Variants in CFAP251 observed in about 807,000 individuals in gnomAD.
The protein encoded by CFAP251 is cilia and flagella associated protein 251, also known as cilia- and flagella-associated protein 251.
Under a neutral mutation model 126.7 loss-of-function variants are expected in CFAP251, and 93 were observed. That is an observed-to-expected ratio of 0.73 (90% confidence interval 0.62 to 0.87). CFAP251 has a LOEUF of 0.87. Among genes scored for constraint, CFAP251 ranks in the 40% least tolerant of loss-of-function variants. The probability of loss-of-function intolerance (pLI) is 0.00; values close to 1 mark genes in which losing one functional copy is unlikely to be tolerated. For missense variants in CFAP251, 1,287 were observed against 1,389.2 expected, an observed-to-expected ratio of 0.93 and a Z score of 1.17; for synonymous variants, 503 against 506.9, an observed-to-expected ratio of 0.99 and a Z score of 0.10.
chr12:121,942,902 G>A lies in CFAP251; in HGVS notation c.1118G>A (p.Cys373Tyr), dbSNP rs1367592215. 1.2e-6 allele frequency: 2 copies of A among 1,614,192 alleles called. No homozygotes were observed. The highest frequency in any genetic ancestry group is 1.7e-6 in the Non-Finnish European group (2 of 1,180,030). Residue 373 changes from cysteine to tyrosine, a missense_variant, in exon 7 of 22, where the codon TGC (cysteine) becomes TAC (tyrosine). Transcript: ENST00000288912. ...TISDAEVQKV[C>Y]IWKWTLAVET... ...CTCTACTGTCACCTACAGAAGGTAT[G>A]CATCTGGAAGTGGACTTTGGCAGTG...
rs897435206 is a variant in CFAP251 at position 121,999,951 on chromosome 12, A to G, written c.3235+7A>G. 1.7e-5 allele frequency: 27 copies of G among 1,604,416 alleles called. No homozygotes were observed. Among genetic ancestry groups the G allele is most frequent in the Non-Finnish European group, 2.2e-5 (26 of 1,171,786 alleles). On this transcript the variant is annotated splice_region_variant and intron_variant, in intron 20 of 21. Transcript: ENST00000288912. ...AGACTGCTCGTTACTAAAGGTAAGCACATACATCAGGATGTCTGGTAACAT... is the reference window on the plus strand; with the variant it reads ...AGACTGCTCGTTACTAAAGGTAAGCGCATACATCAGGATGTCTGGTAACAT...
intron 15 of CFAP251, among the ~76,000 whole-genome samples, chr12:121,964,001 C>T (rs1010347282): frequency 6.6e-6 from 1 of 152,034 alleles, no homozygotes; most frequent in Admixed American, 6.6e-5. Context: ...TGATCCACCA[C>T]GACCACCACC....
At chr12:121,972,006 G>A (rs528551225) in intron 17 of CFAP251, 19 of 234,446 alleles carry the variant, frequency 8.1e-5, no homozygotes, top group Admixed American at 2.6e-4. Flanking sequence ...TTCACCTTCC[G>A]CCATGATTGT....
chr12:121,940,785 G>A (rs1881079871), intron 5 of CFAP251, among the ~76,000 whole-genome samples: 1 of 152,106 alleles, frequency 6.6e-6, no homozygotes. Flanking sequence ...GTATGGAAAT[G>A]TAAGAGCAAA....
intron 7 of CFAP251, among the ~76,000 whole-genome samples, chr12:121,945,332 CTTTT>C (rs1565908192): frequency 2.3e-5 from 2 of 87,684 alleles, no homozygotes; most frequent in Non-Finnish European, 8.2e-5. Flanking sequence ...GTTTTGTTTT[CTTTT>C]CTTTTCTTTT....
In CFAP251 at chr12:121,990,024, T is replaced by A. The variant is rs1020709916; in HGVS notation, c.3007-9692T>A. ...GCCCACCACCAAGAGGCCACCCTCA[T>A]GTCTTGGGGCCTGGAGCAGTCGGGG... is the stretch of plus-strand genomic sequence containing the variant. On this transcript the variant is annotated intron_variant, in intron 19 of 21. Coordinates refer to ENST00000288912, the MANE Select transcript of CFAP251 (RefSeq NM_144668.6). 2.6e-5 allele frequency among the ~76,000 whole-genome samples: 4 copies of A among 152,020 alleles called. No individual in the cohort carries two copies. In the East Asian group the frequency reaches 7.7e-4, roughly 29 times the overall value.
At chr12:121,990,268 C>A (rs1448578693) in intron 19 of CFAP251, among the ~76,000 whole-genome samples, 6 of 152,188 alleles carry the variant, frequency 3.9e-5, no homozygotes, top group Admixed American at 3.3e-4. Context: ...GCATGGCATT[C>A]AGGAGGTGGA....
intron 10 of CFAP251, among the ~76,000 whole-genome samples, chr12:121,956,810 T>A (rs1273975756): frequency 6.6e-6 from 1 of 152,150 alleles, no homozygotes; most frequent in Non-Finnish European, 1.5e-5. Context: ...TAAATTTTTT[T>A]AATGCAAATT....
chr12:121,938,226 C>G (rs1005619617), intron 5 of CFAP251, among the ~76,000 whole-genome samples: 2 of 151,542 alleles, frequency 1.3e-5, no homozygotes, highest in Admixed American at 1.3e-4. Flanking sequence ...AAGCTGGTCT[C>G]GAACTCCTAG....
intron 17 of CFAP251, 36 bp from the exon 18 acceptor site, chr12:121,975,208 C>T (rs777795987): frequency 9.5e-6 from 15 of 1,585,512 alleles, no homozygotes; most frequent in South Asian, 6.6e-5. Context: ...CATGCTTGAG[C>T]GCTTTCTAAT....
At chr12:121,967,331 T>C (rs1449269382) in intron 16 of CFAP251, among the ~76,000 whole-genome samples, 2 of 152,270 alleles carry the variant, frequency 1.3e-5, no homozygotes, top group Non-Finnish European at 2.9e-5. Flanking sequence ...TCTTATTTAT[T>C]TACATGGAAA....
At chr12:121,924,678 C>T (rs528227412) in intron 3 of CFAP251, among the ~76,000 whole-genome samples, 1 of 151,746 alleles carries the variant, frequency 6.6e-6, no homozygotes, top group East Asian at 1.9e-4. Context: ...GATCCGCCCA[C>T]CTCGGCCTCC....
chr12:121,925,484 C>T (rs140617928), intron 3 of CFAP251, among the ~76,000 whole-genome samples: 14 of 152,252 alleles, frequency 9.2e-5, no homozygotes, highest in South Asian at 8.3e-4. Context: ...ATGACGATGA[C>T]GGTGGCAAGA....
At position 121,949,028 on chromosome 12, in the gene CFAP251, C is replaced by A; in HGVS notation, c.1236C>A (p.Ser412Arg). ...CAACAAATAATAAAGAATTGGTGAGCAATAGTAAAACACGGGCAATATATT... is the reference window on the plus strand; with the variant it reads ...CAACAAATAATAAAGAATTGGTGAGAAATAGTAAAACACGGGCAATATATT... ...FNPTNNKELVSNSKTRAIYYA... is the reference protein window; with the variant it reads ...FNPTNNKELVRNSKTRAIYYA... The change falls in exon 8 of 22, where the codon AGC (serine) becomes AGA (arginine). Residue 412 changes from serine (S) to arginine (R), a missense_variant. Physicochemically the swap from Ser to Arg is moderately radical, Grantham distance 110. Coordinates refer to ENST00000288912, the MANE Select transcript of CFAP251 (RefSeq NM_144668.6). 6.3e-7 allele frequency: 1 copy of A among 1,587,286 alleles called. No individual in the cohort carries two copies. Among genetic ancestry groups the A allele is most frequent in the Non-Finnish European group, 8.6e-7 (1 of 1,166,930 alleles).
In CFAP251 at chr12:121,923,909, G is replaced by A; in HGVS notation, c.666G>A (p.Gly222=). 6.2e-7 allele frequency: 1 copy of A among 1,614,104 alleles called. No individual in the cohort carries two copies. Among genetic ancestry groups the A allele is most frequent in the South Asian group, 1.1e-5 (1 of 91,074 alleles). ...RRVSDIQSKA[G]ISRESLVSST... is the part of the protein sequence containing the mutation. ...TATCCGACATCCAGTCCAAAGCAGG[G>A]ATCTCCCGGGAGTCACTGGTGTCCA... The change falls in exon 3 of 22, where the codon GGG becomes GGA. Residue 222 remains glycine, a synonymous_variant. Coordinates refer to ENST00000288912, the MANE Select transcript of CFAP251 (RefSeq NM_144668.6).
rs1881524890 is a variant in CFAP251, at chr12:121,951,540, C to T, written c.1320+10C>T. On this transcript the variant is annotated intron_variant, in intron 9 of 21. Coordinates refer to ENST00000288912, the MANE Select transcript of CFAP251 (RefSeq NM_144668.6). ...ACTTTTAACTGAAAAAGTGAGTATG[C>T]CTATTGCATTTTTGTCCATCAGATT... 1 of 1,574,892 alleles carries T rather than the reference C, an allele frequency of 6.3e-7. No individual in the cohort carries two copies. The highest frequency in any genetic ancestry group is 8.7e-7 in the Non-Finnish European group (1 of 1,149,326).
chr12:121,953,070 A>G (rs1881590008), intron 9 of CFAP251: 1 of 152,252 alleles, frequency 6.6e-6, no homozygotes, highest in Non-Finnish European at 1.5e-5. Flanking sequence ...TGATTCATTA[A>G]CATTGAACTC....
At chr12:121,987,285 C>T (rs943495194) in intron 19 of CFAP251, among the ~76,000 whole-genome samples, 2 of 149,396 alleles carry the variant, frequency 1.3e-5, no homozygotes, top group South Asian at 2.1e-4. Flanking sequence ...ACAGAGAGTC[C>T]GTGGCCAGGC....
intron 14 of CFAP251, among the ~76,000 whole-genome samples, chr12:121,961,756 G>A (rs1293235179): frequency 1.3e-5 from 2 of 152,198 alleles, no homozygotes; most frequent in African/African-American, 4.8e-5. Flanking sequence ...TGTTTTTAGA[G>A]CACTCAGCTC....
Sources: allele counts gnomAD v4.1 joint callset (sites outside exome capture counted in the v4.1 genomes callset), GRCh38; gene constraint gnomAD v4.1.1; transcripts MANE v1.5; gene names NCBI Gene and HGNC (gene_info 2026-07-23, HGNC 2026-07-21).